The following NOL8 variants were observed in gnomAD, a reference collection of about 807,000 sequenced individuals.
The protein encoded by NOL8 is nucleolar protein 8.
Under a neutral mutation model 116.1 loss-of-function variants are expected in NOL8, and 93 were observed. That is an observed-to-expected ratio of 0.80 (90% CI 0.68 to 0.95). The LOEUF (loss-of-function observed/expected upper bound fraction) is 0.95. Ranked by LOEUF, NOL8 falls within the 40% of genes least tolerant of loss-of-function variation. The pLI, the probability that NOL8 is intolerant of heterozygous loss-of-function variation, is 0.00. For synonymous variants in NOL8, 419 were observed against 469.0 expected, an observed-to-expected ratio of 0.89 and a Z score of 1.38; for missense variants, 1,291 against 1,382.8, an observed-to-expected ratio of 0.93 and a Z score of 1.05.
In NOL8 at chr9:92,301,147, TTG is replaced by T. The variant is rs76056246; in HGVS notation, c.3175+402_3175+403del. Among the ~76,000 whole-genome samples the T allele has an allele frequency of 4.8e-3, 734 of 152,354 alleles. 6 individuals carry two copies. Among genetic ancestry groups the T allele is most frequent in the African/African-American group, 0.015 (639 of 41,578 alleles). On this transcript the variant is annotated intron_variant, in intron 13 of 16. Transcript: ENST00000442668. ...CTGGCATATTGATGACATGGCATATTTGTGTAAAACCAAGGTTACCTATATCT... is the reference window on the plus strand; with the variant it reads ...CTGGCATATTGATGACATGGCATATTTGTAAAACCAAGGTTACCTATATCT...
chr9:92,314,774 G>GGA lies in NOL8; in HGVS notation c.1849_1850dup (p.Tyr619HisfsTer7). 6.2e-7 allele frequency: 1 copy of GGA among 1,613,700 alleles called. No homozygotes were observed. Among genetic ancestry groups the GGA allele is most frequent in the African/African-American group, 1.3e-5 (1 of 75,014 alleles). On this transcript the variant is annotated frameshift_variant, in exon 7 of 17. Coordinates refer to ENST00000442668, the MANE Select transcript of NOL8 (RefSeq NM_017948.6). LOFTEE classifies it high-confidence loss of function. ...CACCTAATGAGCCATTAACATATGG[G>GGA]GACCCATCTTCCATGGATATGATAC...
At chr9:92,300,922 A>G in intron 13 of NOL8, 5 of 954,228 alleles carry the variant, frequency 5.2e-6, no homozygotes, top group Non-Finnish European at 6.3e-6. Context: ...ATTCTTCTGT[A>G]TAGGTATTAC....
At chr9:92,306,216 A>G (rs928392070) in intron 11 of NOL8, among the ~76,000 whole-genome samples, 22 of 151,654 alleles carry the variant, frequency 1.5e-4, no homozygotes, top group Non-Finnish European at 3.2e-4. Flanking sequence ...CTGCTCTCCA[A>G]CTCCTGATCT....
intron 3 of NOL8, among the ~76,000 whole-genome samples, chr9:92,322,419 G>A (rs1270703906): frequency 2.6e-5 from 4 of 152,158 alleles, no homozygotes; most frequent in Non-Finnish European, 2.9e-5. Flanking sequence ...CTGGAGTGCA[G>A]TGGCACTATC....
chr9:92,315,823 A>G lies in NOL8; in HGVS notation c.802T>C (p.Ser268Pro). ...TCDSITPSKS[S>P]PVPVSDTQKL... ...TGAGTATCAGAAACAGGTACAGGAGATGATTTAGAAGGAGTAATGGAATCA... is the reference window on the plus strand; with the variant it reads ...TGAGTATCAGAAACAGGTACAGGAGGTGATTTAGAAGGAGTAATGGAATCA... Residue 268 changes from serine (S) to proline (P), a missense_variant, in exon 7 of 17, where the codon TCT becomes CCT. Coordinates refer to ENST00000442668, the MANE Select transcript of NOL8 (RefSeq NM_017948.6). 1 of 1,613,966 alleles carries G rather than the reference A, an allele frequency of 6.2e-7. No individual in the cohort carries two copies. The highest frequency in any genetic ancestry group is 8.5e-7 in the Non-Finnish European group (1 of 1,179,866).
Position 92,318,791 on chromosome 9 carries a change from C to G in NOL8, c.418-105G>C, listed in dbSNP as rs953655389. On this transcript the variant is annotated intron_variant, in intron 5 of 16. Coordinates refer to ENST00000442668, the MANE Select transcript of NOL8 (RefSeq NM_017948.6). ...CAAAAAAATCAGTGGGCTATGATTA[C>G]TGTTGGGTTTAGTTTTCTGACAATG... The G allele has an allele frequency of 4.4e-6, 3 of 688,380 alleles. No individual in the cohort carries two copies. In the African/African-American group the frequency reaches 5.6e-5, roughly 13 times the overall value. 42.6% of individuals were successfully genotyped at this position (688,380 alleles called of 1,614,324 possible).
Position 92,299,948 on chromosome 9 carries a change from T to C in NOL8, c.3244A>G (p.Ser1082Gly), listed in dbSNP as rs201707656. The C allele has an allele frequency of 1.9e-6, 3 of 1,613,588 alleles. No individual in the cohort carries two copies. The Admixed American group carries it at 5.0e-5, about 27-fold the overall frequency. ...GTAACATCTTCCTCTTCTGAACTGCTGTCTTGTAAACGAGGGTCTTCCTGC... is the reference window on the plus strand; with the variant it reads ...GTAACATCTTCCTCTTCTGAACTGCCGTCTTGTAAACGAGGGTCTTCCTGC... ...VWQEDPRLQDSSSEEEDVTEE... is the reference protein window; with the variant it reads ...VWQEDPRLQDGSSEEEDVTEE... Residue 1082 changes from serine to glycine, a missense_variant, in exon 14 of 17, where the codon AGC (serine) becomes GGC (glycine). By Grantham distance (56) the Ser-to-Gly change is moderately conservative (BLOSUM62 0). Transcript: ENST00000442668.
rs776766214 is a variant in NOL8, at chr9:92,315,019, G to T, written c.1606C>A (p.Arg536=). Residue 536 remains arginine (R), a synonymous_variant, in exon 7 of 17, where the codon CGA becomes AGA. Transcript: ENST00000442668. The stretch of plus-strand genomic sequence containing the variant: ...ATCTCCGCAGGACGAATACACTGTC[G>T]GCCTCTGCGGAGGCCAGTGGGAGTC... ...PKTPTGLRRG[R]QCIRPAEIVA... is the part of the protein sequence containing the mutation. 1 of 1,613,796 alleles carries T rather than the reference G, an allele frequency of 6.2e-7. No homozygotes were observed. The highest frequency in any genetic ancestry group is 1.3e-5 in the African/African-American group (1 of 74,896).
chr9:92,299,833 G>A lies in NOL8; in HGVS notation c.3302+57C>T. On this transcript the variant is annotated intron_variant, in intron 14 of 16. Coordinates refer to ENST00000442668, the MANE Select transcript of NOL8 (RefSeq NM_017948.6). ...AGAAGCTAAAATATTTCTAAAGTAT[G>A]TCTAATTCAGATTTTACAAATTATG... 2.6e-6 allele frequency: 4 copies of A among 1,565,604 alleles called. No homozygotes were observed. In the South Asian group the frequency reaches 4.6e-5, roughly 18 times the overall value.
rs754854905 is a variant in NOL8 at position 92,305,753 on chromosome 9, C to G, written c.2903G>C (p.Ser968Thr). 3.8e-6 allele frequency: 6 copies of G among 1,597,800 alleles called. No homozygotes were observed. In the South Asian group the frequency reaches 6.6e-5, roughly 18 times the overall value. Reference protein sequence around the residue: ...ERKRDDKPKESKAKRKKKREE... With the variant: ...ERKRDDKPKETKAKRKKKREE... Reference sequence around the variant, plus strand: ...TGCTAAAAGAAGTAGCTCTACTTACCTTTCTTTTGGCTTATCATCTCTTTT... The same window carrying G: ...TGCTAAAAGAAGTAGCTCTACTTACGTTTCTTTTGGCTTATCATCTCTTTT... The change falls in exon 12 of 17, where the codon AGT becomes ACT. Residue 968 changes from serine (S) to threonine (T), a missense_variant and splice_region_variant. Transcript: ENST00000442668.
Position 92,312,843 on chromosome 9 carries a change from A to AAAAG in NOL8, c.2358+1423_2358+1424insCTTT, listed in dbSNP as rs1838960017. 6.7e-5 allele frequency among the ~76,000 whole-genome samples: 10 copies of AAAAG among 148,588 alleles called. No homozygotes were observed. In the South Asian group the frequency reaches 1.9e-3, roughly 29 times the overall value. ...ACTCCATCTCAAAAAAAAAAAAAAA[A>AAAAG]AAAAAGAAAAGAAAAACCACCTATT... On this transcript the variant is annotated intron_variant, in intron 7 of 16. Transcript: ENST00000442668.
chr9:92,298,672 C>T, intron 15 of NOL8: 1 of 477,222 alleles, frequency 2.1e-6, no homozygotes, highest in Non-Finnish European at 3.7e-6. Flanking sequence ...TGGAACAAAA[C>T]AACCCTTTGT....
chr9:92,298,961 A>G lies in NOL8; in HGVS notation c.3303-7T>C. On this transcript the variant is annotated splice_region_variant and splice_polypyrimidine_tract_variant and intron_variant, in intron 14 of 16. Coordinates refer to ENST00000442668, the MANE Select transcript of NOL8 (RefSeq NM_017948.6). The stretch of plus-strand genomic sequence containing the variant: ...CTCAAGTAATGATGCTTCTCTGAAA[A>G]GAAAGGGACAAAGGAGAGAGAAAAA... 3 of 1,504,926 alleles carry G rather than the reference A, an allele frequency of 2.0e-6. No homozygotes were observed. Among genetic ancestry groups the G allele is most frequent in the South Asian group, 1.3e-5 (1 of 77,934 alleles). 93.2% of individuals were successfully genotyped at this position (1,504,926 alleles called of 1,614,324 possible).
At chr9:92,311,288 T>A in intron 7 of NOL8, 29 bp from the exon 8 acceptor site, 3 of 1,522,574 alleles carry the variant, frequency 2.0e-6, no homozygotes, top group Non-Finnish European at 2.7e-6. Context: ...GCATTGCATC[T>A]TAAAAAGATT....
In NOL8 at chr9:92,310,624, C is replaced by T. The variant is rs7467077; in HGVS notation, c.2524G>A (p.Glu842Lys). The part of the protein sequence containing the change: ...GKLFDSSDDD[E>K]SDSEDDSNRF... ...TTACTGTCATCTTCAGAATCAGATT[C>T]GTCATCATCACTGCTATCAAACAGC... is the stretch of plus-strand genomic sequence containing the variant. Residue 842 changes from glutamate (E) to lysine (K), a missense_variant, in exon 9 of 17, where the codon GAA becomes AAA. By Grantham distance (56) the Glu-to-Lys change is moderately conservative. Transcript: ENST00000442668. 9.9e-6 allele frequency: 16 copies of T among 1,612,978 alleles called. No homozygotes were observed. The highest frequency in any genetic ancestry group is 1.1e-5 in the Non-Finnish European group (13 of 1,179,402).
chr9:92,298,339 A>G lies in NOL8; in HGVS notation c.3374-3T>C, dbSNP rs1247779422. 5.7e-6 allele frequency: 9 copies of G among 1,588,936 alleles called. No homozygotes were observed. The highest frequency in any genetic ancestry group is 7.7e-6 in the Non-Finnish European group (9 of 1,167,058). ...TCCTCTCCAGAATAAGTCAGAACCT[A>G]TTAGGGGAAAAAGAAGAAAGATGAG... is the stretch of plus-strand genomic sequence containing the variant. On this transcript the variant is annotated splice_polypyrimidine_tract_variant and splice_region_variant and intron_variant, in intron 15 of 16. Coordinates refer to ENST00000442668, the MANE Select transcript of NOL8 (RefSeq NM_017948.6).
intron 6 of NOL8, among the ~76,000 whole-genome samples, chr9:92,318,279 C>A (rs1426529330): frequency 6.6e-6 from 1 of 152,090 alleles, no homozygotes; most frequent in East Asian, 1.9e-4. Context: ...TAATTCAAAA[C>A]CTACCTCAAT....
At position 92,298,341 on chromosome 9, in the gene NOL8, T is replaced by A. The variant is rs780531151; in HGVS notation, c.3374-5A>T. 12 of 1,587,424 alleles carry A rather than the reference T, an allele frequency of 7.6e-6. No homozygotes were observed. The South Asian group carries it at 1.4e-4, about 18-fold the overall frequency. On this transcript the variant is annotated splice_polypyrimidine_tract_variant and splice_region_variant and intron_variant, in intron 15 of 16. Transcript: ENST00000442668. ...CTCTCCAGAATAAGTCAGAACCTATTAGGGGAAAAAGAAGAAAGATGAGGC... is the reference window on the plus strand; with the variant it reads ...CTCTCCAGAATAAGTCAGAACCTATAAGGGGAAAAAGAAGAAAGATGAGGC...
chr9:92,304,540 G>C (rs746348352), intron 12 of NOL8, among the ~76,000 whole-genome samples: 1 of 152,044 alleles, frequency 6.6e-6, no homozygotes, highest in African/African-American at 2.4e-5. Flanking sequence ...GTATAGGGAG[G>C]GGGTAAACAT....
Sources: gnomAD v4.1 joint callset for allele counts (sites outside exome capture counted in the v4.1 genomes callset) on GRCh38, gnomAD v4.1.1 for gene constraint, MANE v1.5 for transcripts, NCBI Gene and HGNC (gene_info 2026-07-23, HGNC 2026-07-21) for gene names.